Variants in SMAD6 observed in about 807,000 individuals in gnomAD.
SMAD6 encodes the protein SMAD family member 6, also known as MAD homolog 6.
A neutral mutation model predicts 39.4 loss-of-function variants in SMAD6; 103 were observed. The observed-to-expected ratio is 2.62, with a 90% confidence interval of 2.23 to 3.08. SMAD6 has a LOEUF of 3.08. SMAD6 is among the 30% of genes most tolerant of loss of function. SMAD6 has a pLI of 0.00. For synonymous variants in SMAD6, 445 were observed against 353.3 expected (o/e 1.26, Z -2.91); for missense variants, 1,104 against 742.9 (o/e 1.49, Z -5.65).
At chr15:66,778,787 A>G (rs1595803206) in intron 3 of SMAD6, among the ~76,000 whole-genome samples, 1 of 152,114 alleles carries the variant, frequency 6.6e-6, no homozygotes, top group Admixed American at 6.5e-5. Flanking sequence ...ACTGGTGTAT[A>G]CCCTGGGCCT....
intron 3 of SMAD6, among the ~76,000 whole-genome samples, chr15:66,769,429 C>G (rs1894344224): frequency 6.6e-6 from 1 of 152,188 alleles, no homozygotes; most frequent in Non-Finnish European, 1.5e-5. Context: ...ACCAGTTCAC[C>G]TCTCCATCAT....
chr15:66,713,531 G>A (rs1289599891), intron 2 of SMAD6, among the ~76,000 whole-genome samples: 1 of 152,182 alleles, frequency 6.6e-6, no homozygotes, highest in Non-Finnish European at 1.5e-5. Flanking sequence ...TATTGGCCAG[G>A]CTGGTCTCGA....
chr15:66,753,117 G>A (rs1894036229), intron 3 of SMAD6, among the ~76,000 whole-genome samples: 1 of 152,184 alleles, frequency 6.6e-6, no homozygotes, highest in South Asian at 2.1e-4. Context: ...GGCTTGTTTG[G>A]GGTCTTGCAG....
intron 3 of SMAD6, among the ~76,000 whole-genome samples, chr15:66,736,123 T>C (rs561050665): frequency 2.0e-5 from 3 of 152,290 alleles, no homozygotes; most frequent in Admixed American, 1.3e-4. Context: ...TTCTTCCATC[T>C]CGGTGATTTC....
chr15:66,704,046 C>A lies in SMAD6; in HGVS notation c.788C>A (p.Pro263His). Residue 263 changes from proline (P) to histidine (H), a missense_variant, in exon 1 of 4, where the codon CCC becomes CAC. Physicochemically the swap from Pro to His is moderately conservative, Grantham distance 77 (BLOSUM62 -2). Transcript: ENST00000288840. Reference sequence around the variant, plus strand: ...GACGGCCCTACCGTGTGCTGCAACCCCTACCACTTCAGCCGGCTCTGCGGG... The same window carrying A: ...GACGGCCCTACCGTGTGCTGCAACCACTACCACTTCAGCCGGCTCTGCGGG... ...AADGPTVCCN[P>H]YHFSRLCGPE... 1 of 1,510,478 alleles carries A rather than the reference C, an allele frequency of 6.6e-7. No individual in the cohort carries two copies. The highest frequency in any genetic ancestry group is 8.8e-7 in the Non-Finnish European group (1 of 1,138,520). 93.6% of individuals were successfully genotyped at this position (1,510,478 alleles called of 1,614,324 possible).
At chr15:66,758,467 C>T (rs1214198121) in intron 3 of SMAD6, among the ~76,000 whole-genome samples, 1 of 152,170 alleles carries the variant, frequency 6.6e-6, no homozygotes, top group African/African-American at 2.4e-5. Flanking sequence ...GTGGCTTATG[C>T]CCGTAATCCC....
chr15:66,742,802 G>A lies in SMAD6; in HGVS notation c.952+26304G>A, dbSNP rs1395360920. 3.3e-5 allele frequency among the ~76,000 whole-genome samples: 5 copies of A among 152,160 alleles called. No homozygotes were observed. The East Asian group carries it at 5.8e-4, about 18-fold the overall frequency. On this transcript the variant is annotated intron_variant, in intron 3 of 3. Coordinates refer to ENST00000288840, the MANE Select transcript of SMAD6 (RefSeq NM_005585.5). ...AAGGAAGCCAGGGAGGTTGGTGGAC[G>A]TTGCCTTTGCTTAGACTGCCCGCTG...
In SMAD6 at chr15:66,703,675, G is replaced by T; in HGVS notation, c.417G>T (p.Arg139=). ...FSERDAAGAP[R]DASDPLAGAA... ...AGCGGGACGCCGCCGGCGCGCCCCG[G>T]GACGCCAGCGACCCCCTGGCCGGGG... Residue 139 remains arginine, a synonymous_variant, in exon 1 of 4, where the codon CGG becomes CGT. Coordinates refer to ENST00000288840, the MANE Select transcript of SMAD6 (RefSeq NM_005585.5). The T allele has an allele frequency of 8.1e-7, 1 of 1,232,688 alleles. No homozygotes were observed. The highest frequency in any genetic ancestry group is 1.0e-6 in the Non-Finnish European group (1 of 987,126). The allele number at this position is 1,232,688 out of a possible 1,614,324, so 76.4% of individuals were successfully genotyped here. A position where few individuals can be genotyped will look rare whatever the true frequency, so the allele number is the denominator to read the frequency against.
chr15:66,716,314 G>T, intron 2 of SMAD6, 107 bp from the exon 3 acceptor site: 2 of 802,796 alleles, frequency 2.5e-6, no homozygotes, highest in Non-Finnish European at 4.3e-6. Flanking sequence ...CCCTTTGCAA[G>T]CACACACATC....
intron 3 of SMAD6, among the ~76,000 whole-genome samples, chr15:66,741,329 C>T (rs199682887): frequency 2.3e-4 from 7 of 30,828 alleles, no homozygotes; most frequent in Admixed American, 4.8e-4. Flanking sequence ...TTGCCTCAAA[C>T]CCCACCCTCA....
chr15:66,710,523 T>C (rs1023014477), intron 1 of SMAD6, among the ~76,000 whole-genome samples: 2 of 152,240 alleles, frequency 1.3e-5, no homozygotes, highest in African/African-American at 4.8e-5. Context: ...CTGTAACTAA[T>C]TGTGGCTTAT....
chr15:66,753,790 A>C (rs1894050910), intron 3 of SMAD6, among the ~76,000 whole-genome samples: 1 of 152,100 alleles, frequency 6.6e-6, no homozygotes, highest in African/African-American at 2.4e-5. Context: ...TTGGAGATTT[A>C]GGTCTGAGGG....
chr15:66,713,713 C>G (rs1033310072), intron 2 of SMAD6, among the ~76,000 whole-genome samples: 1 of 152,204 alleles, frequency 6.6e-6, no homozygotes, highest in Non-Finnish European at 1.5e-5. Flanking sequence ...AAGTGCCCAC[C>G]AGGTCCCTTC....
rs141666002 is a variant in SMAD6 at position 66,775,770 on chromosome 15, A to G, written c.953-5227A>G. 4.5e-3 allele frequency among the ~76,000 whole-genome samples: 683 copies of G among 152,346 alleles called. 7 individuals carry two copies. The highest frequency in any genetic ancestry group is 0.016 in the African/African-American group (652 of 41,582). ...CTCCTTGGTATTTATTTGCAATTAA[A>G]GAGCTGGTTCCTAATTAGGCTGATG... is the stretch of plus-strand genomic sequence containing the variant. On this transcript the variant is annotated intron_variant, in intron 3 of 3. Coordinates refer to ENST00000288840, the MANE Select transcript of SMAD6 (RefSeq NM_005585.5).
chr15:66,769,340 G>A (rs1894342583), intron 3 of SMAD6, among the ~76,000 whole-genome samples: 1 of 152,126 alleles, frequency 6.6e-6, no homozygotes, highest in African/African-American at 2.4e-5. Context: ...TTTTCACTGG[G>A]CCCTCAAAAG....
intron 3 of SMAD6, among the ~76,000 whole-genome samples, chr15:66,735,393 C>G (rs1405141463): frequency 6.6e-6 from 1 of 152,166 alleles, no homozygotes; most frequent in Non-Finnish European, 1.5e-5. Flanking sequence ...TTTAGAGATG[C>G]ATCATGAAGG....
At chr15:66,716,364 A>C in intron 2 of SMAD6, 57 bp from the exon 3 acceptor site, 7 of 1,271,006 alleles carry the variant, frequency 5.5e-6, no homozygotes, top group Non-Finnish European at 8.1e-6. Context: ...GAGAAAGAAG[A>C]AAAAAGAGAG....
chr15:66,754,516 T>G (rs1894063745), intron 3 of SMAD6, among the ~76,000 whole-genome samples: 1 of 152,208 alleles, frequency 6.6e-6, no homozygotes, highest in African/African-American at 2.4e-5. Flanking sequence ...TTTCTGTCCC[T>G]CAGCATTGAT....
At chr15:66,716,788 C>T (rs1052734811) in intron 3 of SMAD6, among the ~76,000 whole-genome samples, 1 of 152,232 alleles carries the variant, frequency 6.6e-6, no homozygotes, top group Admixed American at 6.5e-5. Context: ...CAGCACAGCT[C>T]TCCCTTTCGT....
Sources: gnomAD v4.1 joint callset for allele counts (sites outside exome capture counted in the v4.1 genomes callset) on GRCh38, gnomAD v4.1.1 for gene constraint, MANE v1.5 for transcripts, NCBI Gene and HGNC (gene_info 2026-07-23, HGNC 2026-07-21) for gene names.